SCARB1: variants seen among roughly 807,000 people sequenced by gnomAD.
SCARB1 encodes CD36 and LIMPII analogous 1.
A neutral mutation model predicts 57.2 loss-of-function variants in SCARB1; 30 were observed. The ratio of observed to expected loss-of-function variants is 0.52; its 90% confidence interval spans 0.39 to 0.71. The LOEUF (loss-of-function observed/expected upper bound fraction) is 0.71, where lower values mean the gene tolerates loss of function less well. Ranked by LOEUF, SCARB1 falls within the 30% of genes least tolerant of loss-of-function variation. The pLI is 0.00. For missense variants in SCARB1, 543 were observed against 671.2 expected (o/e 0.81, Z 2.11); for synonymous variants, 249 against 268.3 (o/e 0.93, Z 0.70).
intron 1 of SCARB1, among the ~76,000 whole-genome samples, chr12:124,819,593 C>T (rs1388895241): frequency 6.6e-6 from 1 of 152,220 alleles, no homozygotes; most frequent in East Asian, 1.9e-4. Context: ...ATCTCGGGCC[C>T]CTCAGTGCCC....
chr12:124,796,801 A>C lies in SCARB1; in HGVS notation c.1129-1533T>G, dbSNP rs1423862553. 1.3e-5 allele frequency among the ~76,000 whole-genome samples: 2 copies of C among 152,154 alleles called. No homozygotes were observed. Among genetic ancestry groups the C allele is most frequent in the African/African-American group, 4.8e-5 (2 of 41,432 alleles). ...CACGACTGGGGAGTGCTTGCCCTCG[A>C]GAGCCTGGTGGGATGGGCATGAGAT... On this transcript the variant is annotated intron_variant, in intron 8 of 12. Transcript: ENST00000261693. This position sits in a 1 kb window ranked among gnomAD's most constrained non-coding sequence, Gnocchi z 4.0.
At chr12:124,861,630 T>C (rs1254641744) in intron 1 of SCARB1, among the ~76,000 whole-genome samples, 1 of 152,232 alleles carries the variant, frequency 6.6e-6, no homozygotes, top group Non-Finnish European at 1.5e-5. Flanking sequence ...GCTAAGGCAC[T>C]TGGCCGCTGC....
At chr12:124,832,959 C>T (rs1274167666) in intron 1 of SCARB1, among the ~76,000 whole-genome samples, 4 of 152,034 alleles carry the variant, frequency 2.6e-5, no homozygotes, top group Admixed American at 1.3e-4. Flanking sequence ...ATGAAAGTCA[C>T]GGTGCAGGCA....
Position 124,853,395 on chromosome 12 carries a change from T to G in SCARB1, c.126+10200A>C, listed in dbSNP as rs1489143958. On this transcript the variant is annotated intron_variant, in intron 1 of 12. Coordinates refer to ENST00000261693, the MANE Select transcript of SCARB1 (RefSeq NM_005505.5). ...GATCCAGTTTGCATAGTTTTGTTTT[T>G]TTTTTTTTTTTTTTTGGGAGACGGA... 2.4e-3 allele frequency among the ~76,000 whole-genome samples: 354 copies of G among 148,468 alleles called. 2 individuals carry two copies. Among genetic ancestry groups the G allele is most frequent in the African/African-American group, 8.1e-3 (328 of 40,448 alleles).
intron 1 of SCARB1, among the ~76,000 whole-genome samples, chr12:124,846,731 A>AC (rs1952171392): frequency 3.9e-5 from 1 of 25,460 alleles, no homozygotes; most frequent in African/African-American, 9.7e-5. Context: ...CTCCATCTCA[A>AC]AAAAAAAAAA....
chr12:124,782,377 C>A (rs997004268), intron 12 of SCARB1, among the ~76,000 whole-genome samples: 2 of 152,206 alleles, frequency 1.3e-5, no homozygotes, highest in Non-Finnish European at 2.9e-5. Flanking sequence ...GAGTCTATTG[C>A]ACAAGAGATT....
chr12:124,817,042 G>GTA lies in SCARB1; in HGVS notation c.284+507_284+508insTA. Among the ~76,000 whole-genome samples the GTA allele has an allele frequency of 7.0e-6, 1 of 142,960 alleles. No individual in the cohort carries two copies. Among genetic ancestry groups the GTA allele is most frequent in the Non-Finnish European group, 1.5e-5 (1 of 66,530 alleles). 93.8% of individuals were successfully genotyped at this position (142,960 alleles called of 152,430 possible). A position where few individuals can be genotyped will look rare whatever the true frequency, so the allele number is the denominator to read the frequency against. ...TGCATGTGTGTGTGTGTGTGTGTGT[G>GTA]TGTGTGTATGTGTGTATGCATGTGT... On this transcript the variant is annotated intron_variant, in intron 2 of 12. Transcript: ENST00000261693. The surrounding 1 kb of genome is among the most constrained non-coding windows in gnomAD (Gnocchi z 4.8).
chr12:124,786,577 C>T (rs1450001510), intron 10 of SCARB1, 74 bp from the exon 11 acceptor site: 27 of 1,586,146 alleles, frequency 1.7e-5, no homozygotes, highest in Admixed American at 1.8e-5. Flanking sequence ...CCACCCAACA[C>T]CTTCCTCTGT....
chr12:124,848,508 C>T lies in SCARB1; in HGVS notation c.126+15087G>A, dbSNP rs146040246. On this transcript the variant is annotated intron_variant, in intron 1 of 12. Coordinates refer to ENST00000261693, the MANE Select transcript of SCARB1 (RefSeq NM_005505.5). The stretch of plus-strand genomic sequence containing the variant: ...CCTTCTTGAGTGGGGCCGTGGTCCA[C>T]GGCCATGGAGAAGGACGTCCTTGTC... Among the ~76,000 whole-genome samples the T allele has an allele frequency of 1.6e-4, 24 of 152,304 alleles. No homozygotes were observed. In the East Asian group the frequency reaches 4.3e-3, roughly 27 times the overall value.
intron 7 of SCARB1, among the ~76,000 whole-genome samples, chr12:124,803,708 AAAAAAAAT>A (rs1441596794): frequency 9.5e-5 from 14 of 146,730 alleles, no homozygotes; most frequent in Non-Finnish European, 1.5e-4. Context: ...AAAAAAAAAA[AAAAAAAAT>A]TGAAATAAGA....
chr12:124,800,178 C>A lies in SCARB1; in HGVS notation c.1074G>T (p.Val358=). The A allele has an allele frequency of 6.2e-7, 1 of 1,614,074 alleles. No homozygotes were observed. The highest frequency in any genetic ancestry group is 1.1e-5 in the South Asian group (1 of 91,060). Reference sequence around the variant, plus strand: ...CCTCCTGGTTAGGGTGCAGGCCAGTCACCGCTTCTGCCAGAACCGGGTCAG... The same window carrying A: ...CCTCCTGGTTAGGGTGCAGGCCAGTAACCGCTTCTGCCAGAACCGGGTCAG... ...LNADPVLAEA[V]TGLHPNQEAH... The change falls in exon 8 of 13, where the codon GTG becomes GTT. Residue 358 remains valine (V), a synonymous_variant. Coordinates refer to ENST00000261693, the MANE Select transcript of SCARB1 (RefSeq NM_005505.5). The surrounding 1 kb of genome is among the most constrained non-coding windows in gnomAD (Gnocchi z 4.8).
At chr12:124,804,199 A>C (rs2135621049) in intron 7 of SCARB1, among the ~76,000 whole-genome samples, 1 of 152,340 alleles carries the variant, frequency 6.6e-6, no homozygotes, top group Non-Finnish European at 1.5e-5. Flanking sequence ...TGGGCATGGG[A>C]GCCAGGCAGA....
intron 8 of SCARB1, among the ~76,000 whole-genome samples, chr12:124,798,836 C>T (rs903784849): frequency 2.7e-5 from 4 of 147,754 alleles, no homozygotes; most frequent in Admixed American, 6.9e-5. Flanking sequence ...CAGAGTGAAA[C>T]TCCATCTCAG....
At chr12:124,819,742 AG>A (rs1447185444) in intron 1 of SCARB1, among the ~76,000 whole-genome samples, 3 of 152,260 alleles carry the variant, frequency 2.0e-5, no homozygotes, top group African/African-American at 7.2e-5. Flanking sequence ...CAACAGGCAG[AG>A]GCTCTACAGG....
chr12:124,779,464 C>T (rs951756823), intron 12 of SCARB1, among the ~76,000 whole-genome samples: 1 of 152,000 alleles, frequency 6.6e-6, no homozygotes, highest in East Asian at 1.9e-4. Flanking sequence ...TCAGGGTATG[C>T]GGGGCGCAGG....
intron 1 of SCARB1, among the ~76,000 whole-genome samples, chr12:124,853,390 G>GTTTTTT (rs757246980): frequency 8.2e-6 from 1 of 122,530 alleles, no homozygotes; most frequent in Non-Finnish European, 1.7e-5. Context: ...GCATAGTTTT[G>GTTTTTT]TTTTTTTTTT....
chr12:124,850,051 G>A (rs540263759), intron 1 of SCARB1, among the ~76,000 whole-genome samples: 1 of 124,450 alleles, frequency 8.0e-6, no homozygotes, highest in African/African-American at 3.0e-5. Context: ...GTGACAGAGT[G>A]AGACCCTGTC....
At chr12:124,849,282 C>T (rs1262376130) in intron 1 of SCARB1, among the ~76,000 whole-genome samples, 3 of 152,196 alleles carry the variant, frequency 2.0e-5, no homozygotes, top group Non-Finnish European at 4.4e-5. Flanking sequence ...TCCAGATCAA[C>T]TCCTCCACGG....
At chr12:124,786,701 T>G (rs1472630877) in intron 10 of SCARB1, among the ~76,000 whole-genome samples, 198 bp from the exon 11 acceptor site, 1 of 152,224 alleles carries the variant, frequency 6.6e-6, no homozygotes, top group Non-Finnish European at 1.5e-5. Flanking sequence ...CCGACTCCCT[T>G]GCAGTTGGGC....
Sources: allele counts gnomAD v4.1 joint callset (sites outside exome capture counted in the v4.1 genomes callset), GRCh38; gene constraint gnomAD v4.1.1; non-coding constraint Gnocchi (gnomAD v3.1); transcripts MANE v1.5; gene names NCBI Gene and HGNC (gene_info 2026-07-23, HGNC 2026-07-21).